AGBL4: variants seen among roughly 807,000 people sequenced by gnomAD.
AGBL4 encodes the protein AGBL carboxypeptidase 4, also known as cytosolic carboxypeptidase 6.
A neutral mutation model predicts 66.4 loss-of-function variants in AGBL4; 58 were observed. The ratio of observed to expected loss-of-function variants is 0.87; its 90% CI spans 0.71 to 1.09. The LOEUF is 1.09. Ranked by LOEUF, AGBL4 falls within the 50% of genes least tolerant of loss-of-function variation. The pLI, the probability that AGBL4 is intolerant of heterozygous loss-of-function variation, is 0.00. For synonymous variants in AGBL4, 234 were observed against 222.9 expected (o/e 1.05, Z -0.44); for missense variants, 579 against 631.0 (o/e 0.92, Z 0.88).
chr1:48,619,872 C>T (rs1469421997), intron 9 of AGBL4, among the ~76,000 whole-genome samples: 2 of 152,154 alleles, frequency 1.3e-5, no homozygotes, highest in African/African-American at 4.8e-5. Flanking sequence ...AGAGAAGCCC[C>T]GCCCCAAGCC....
At chr1:49,975,134 G>C (rs988442608) in intron 1 of AGBL4, among the ~76,000 whole-genome samples, 1 of 152,052 alleles carries the variant, frequency 6.6e-6, no homozygotes, top group Admixed American at 6.6e-5. Context: ...CTATTCTAAA[G>C]CATATTTACA....
chr1:49,482,881 C>T (rs1646985877), intron 3 of AGBL4, among the ~76,000 whole-genome samples: 1 of 151,946 alleles, frequency 6.6e-6, no homozygotes, highest in Non-Finnish European at 1.5e-5. Context: ...ATTATTTACC[C>T]AAAAGTCATT....
chr1:49,347,253 T>C (rs1183037336), intron 3 of AGBL4, among the ~76,000 whole-genome samples: 1 of 22,392 alleles, frequency 4.5e-5, no homozygotes, highest in Admixed American at 5.2e-4. Flanking sequence ...TCTTTCTTTC[T>C]TTTTTTTTTT....
chr1:48,964,558 C>A (rs569975778), intron 5 of AGBL4, among the ~76,000 whole-genome samples: 44 of 152,216 alleles, frequency 2.9e-4, no homozygotes, highest in Non-Finnish European at 5.7e-4. Context: ...CAAATCTTTG[C>A]TCATCTTCAC....
intron 4 of AGBL4, among the ~76,000 whole-genome samples, chr1:49,130,481 A>G (rs1285403299): frequency 5.3e-5 from 8 of 152,106 alleles, no homozygotes; most frequent in African/African-American, 1.7e-4. Context: ...ATCTTGAATT[A>G]ATTTTTGTAT....
intron 1 of AGBL4, among the ~76,000 whole-genome samples, chr1:49,974,405 C>A (rs1557632163): frequency 6.6e-6 from 1 of 151,932 alleles, no homozygotes; most frequent in Non-Finnish European, 1.5e-5. Context: ...TTAGACAAAG[C>A]CATTGAAATA....
chr1:49,207,219 C>A (rs1007853131), intron 4 of AGBL4, among the ~76,000 whole-genome samples: 6 of 151,948 alleles, frequency 3.9e-5, no homozygotes, highest in African/African-American at 1.4e-4. Context: ...GTGGCAGAAT[C>A]CAAATTCTCT....
chr1:48,914,629 T>C (rs1471438925), intron 5 of AGBL4, among the ~76,000 whole-genome samples: 1 of 152,226 alleles, frequency 6.6e-6, no homozygotes, highest in Non-Finnish European at 1.5e-5. Flanking sequence ...TATAAAATGT[T>C]CTTTTGTTCA....
At chr1:49,959,077 C>A (rs988843091) in intron 1 of AGBL4, among the ~76,000 whole-genome samples, 1 of 150,416 alleles carries the variant, frequency 6.6e-6, no homozygotes, top group Non-Finnish European at 1.5e-5. Flanking sequence ...TATTGGGTAT[C>A]AAGAGAGAGG....
chr1:49,290,642 G>A (rs1033039698), intron 3 of AGBL4, among the ~76,000 whole-genome samples: 1 of 152,170 alleles, frequency 6.6e-6, no homozygotes, highest in Non-Finnish European at 1.5e-5. Flanking sequence ...ATTTGTGAAT[G>A]TTTTCAGCAA....
At position 49,633,542 on chromosome 1, in the gene AGBL4, C is replaced by T. The variant is rs180780264; in HGVS notation, c.282+63771G>A. ...TAAATGTGTGTGCCTGTAAGTAATC[C>T]CAAGTATTTGGGAAGCTGAGGTTGG... On this transcript the variant is annotated intron_variant, in intron 3 of 13. Transcript: ENST00000371839. Among the ~76,000 whole-genome samples the T allele has an allele frequency of 2.1e-3, 321 of 151,802 alleles. 1 individual carries two copies. The highest frequency in any genetic ancestry group is 3.1e-3 in the Non-Finnish European group (211 of 67,914).
At chr1:49,657,472 A>G (rs1053512479) in intron 3 of AGBL4, among the ~76,000 whole-genome samples, 7 of 152,194 alleles carry the variant, frequency 4.6e-5, no homozygotes, top group Non-Finnish European at 8.8e-5. Flanking sequence ...CCATCAAGCT[A>G]CCAATGACTT....
chr1:49,354,771 C>T (rs981936457), intron 3 of AGBL4, among the ~76,000 whole-genome samples: 2 of 152,200 alleles, frequency 1.3e-5, no homozygotes, highest in African/African-American at 4.8e-5. Flanking sequence ...TTCTAAATAA[C>T]GACTCAAAAT....
intron 3 of AGBL4, among the ~76,000 whole-genome samples, chr1:49,417,349 T>C (rs1645449153): frequency 6.6e-6 from 1 of 152,014 alleles, no homozygotes; most frequent in Non-Finnish European, 1.5e-5. Flanking sequence ...GAAGAACTAG[T>C]TTTACAAACA....
chr1:49,111,585 G>A (rs904269190), intron 4 of AGBL4, among the ~76,000 whole-genome samples: 2 of 152,118 alleles, frequency 1.3e-5, no homozygotes, highest in Non-Finnish European at 2.9e-5. Context: ...TATCATCTAA[G>A]TATGTCTCTC....
intron 6 of AGBL4, chr1:48,761,410 G>C: frequency 6.4e-7 from 1 of 1,551,564 alleles, no homozygotes; most frequent in East Asian, 2.4e-5. Context: ...ATGATTAAGA[G>C]AAAGCTTGGG....
At chr1:48,534,540 T>C (rs1643938311) in intron 13 of AGBL4, among the ~76,000 whole-genome samples, 1 of 152,172 alleles carries the variant, frequency 6.6e-6, no homozygotes, top group Admixed American at 6.5e-5. Flanking sequence ...CTATAATATG[T>C]GTCAGGAAGT....
intron 3 of AGBL4, among the ~76,000 whole-genome samples, chr1:49,659,812 AT>A (rs1213416015): frequency 6.6e-6 from 1 of 152,218 alleles, no homozygotes; most frequent in Non-Finnish European, 1.5e-5. Context: ...ACAAGAGAAT[AT>A]CTTTTTCTCA....
At chr1:48,996,698 C>T (rs1217195050) in intron 5 of AGBL4, among the ~76,000 whole-genome samples, 2 of 151,860 alleles carry the variant, frequency 1.3e-5, no homozygotes, top group African/African-American at 2.4e-5. Flanking sequence ...AAGAGTGATG[C>T]ATGGTGAGAA....
Sources: allele counts gnomAD v4.1 joint callset (sites outside exome capture counted in the v4.1 genomes callset), GRCh38; gene constraint gnomAD v4.1.1; transcripts MANE v1.5; gene names NCBI Gene and HGNC (gene_info 2026-07-23, HGNC 2026-07-21).